DST: variants seen among roughly 807,000 people sequenced by gnomAD.
DST encodes the protein bullous pemphigoid antigen.
DST carries 253 observed loss-of-function variants against 875.2 expected under a neutral mutation model. That is an observed-to-expected ratio of 0.29 (90% CI 0.26 to 0.32). The LOEUF (loss-of-function observed/expected upper bound fraction) is 0.32. DST is among the 10% of genes least tolerant of loss of function. DST has a pLI of 1.00. For synonymous variants in DST, 3,124 were observed against 3,197.1 expected, an observed-to-expected ratio of 0.98 and a Z score of 0.77; for missense variants, 8,287 against 9,111.6, an observed-to-expected ratio of 0.91 and a Z score of 3.68.
chr6:56,614,394 C>A lies in DST; in HGVS notation c.5020G>T (p.Ala1674Ser). Residue 1674 changes from alanine to serine, a missense_variant, in exon 37 of 104, where the codon GCA (alanine) becomes TCA (serine). Ala to Ser is a moderately conservative substitution (Grantham distance 99). Transcript: ENST00000680361. ...AAGGGAGGTTTTCCAGCCTTCTCTG[C>A]ATCTTTCAATGTCTTGCTGATATTT... ...VSNISKTLKD[A>S]EKAGKPPFSK... 2 of 1,609,578 alleles carry A rather than the reference C, an allele frequency of 1.2e-6. No homozygotes were observed. The highest frequency in any genetic ancestry group is 4.5e-5 in the East Asian group (2 of 44,590).
intron 3 of DST, among the ~76,000 whole-genome samples, chr6:56,855,367 C>T (rs1212925414): frequency 6.6e-6 from 1 of 152,092 alleles, no homozygotes; most frequent in Non-Finnish European, 1.5e-5. Context: ...TTAAACACTG[C>T]AATCAACGTG....
chr6:56,624,456 TC>T (rs2098716046), intron 36 of DST, 73 bp downstream of exon 36: 1 of 1,008,710 alleles, frequency 9.9e-7, no homozygotes. Flanking sequence ...TGTTTTGCTT[TC>T]CCAAACTACA....
In DST at chr6:56,609,085, G is replaced by A. The variant is rs766555683; in HGVS notation, c.5543C>T (p.Ala1848Val). ...CAGTACTGGAATTGTGGTAGGTGACGCAGCAGAAATAATCTCCTTAGCTTT... is the reference window on the plus strand; with the variant it reads ...CAGTACTGGAATTGTGGTAGGTGACACAGCAGAAATAATCTCCTTAGCTTT... ...LSKAKEIISA[A>V]SPTTIPVLDA... The change falls in exon 40 of 104, where the codon GCG becomes GTG. Residue 1848 changes from alanine to valine, a missense_variant. Around this residue, in one of 10 missense-constraint regions of DST, gnomAD observed 3,138 missense variants for 3,116.6 expected, o/e 1.01. Coordinates refer to ENST00000680361, the MANE Select transcript of DST (RefSeq NM_001374736.1). 1.4e-5 allele frequency: 22 copies of A among 1,613,776 alleles called. No individual in the cohort carries two copies. The East Asian group carries it at 1.8e-4, about 13-fold the overall frequency.
chr6:56,598,230 A>T (rs556443955), intron 46 of DST, among the ~76,000 whole-genome samples: 41 of 152,366 alleles, frequency 2.7e-4, no homozygotes, highest in African/African-American at 8.7e-4. Context: ...ACTATAATTG[A>T]TGAGTGATCA....
intron 9 of DST, among the ~76,000 whole-genome samples, chr6:56,672,982 C>T (rs1322464217): frequency 1.3e-5 from 2 of 152,032 alleles, no homozygotes; most frequent in African/African-American, 4.8e-5. Context: ...AGGCCAGGCA[C>T]GGTGGCTCAC....
chr6:56,618,150 T>C, intron 36 of DST: 4 of 1,614,208 alleles, frequency 2.5e-6, no homozygotes, highest in Non-Finnish European at 3.4e-6. Flanking sequence ...TCGGTGCTTG[T>C]CTGAGAAAAG....
Position 56,604,980 on chromosome 6 carries a change from T to C in DST, c.9648A>G (p.Glu3216=), listed in dbSNP as rs2098481545. The C allele has an allele frequency of 6.2e-7, 1 of 1,612,928 alleles. No homozygotes were observed. Among genetic ancestry groups the C allele is most frequent in the Non-Finnish European group, 8.5e-7 (1 of 1,179,268 alleles). The change falls in exon 40 of 104, where the codon GAA becomes GAG. Residue 3216 remains glutamate, a synonymous_variant. Transcript: ENST00000680361. ...TATTATTAACTCCTAATTGTAAATG[T>C]TCTTTCATGGGAGGGGCAGTTATTA... ...HVLITAPPMK[E]HLQLGVNNTK...
intron 4 of DST, among the ~76,000 whole-genome samples, chr6:56,774,280 T>C (rs899476904): frequency 1.3e-5 from 2 of 152,140 alleles, no homozygotes; most frequent in Admixed American, 6.5e-5. Context: ...ATAGTCTCTA[T>C]TGAAATGTTC....
At chr6:56,631,765 C>A in intron 29 of DST, 118 bp downstream of exon 29, 2 of 907,436 alleles carry the variant, frequency 2.2e-6, no homozygotes, top group Non-Finnish European at 3.6e-6. Context: ...TCAGACCTCA[C>A]CTCACACTAG....
intron 15 of DST, among the ~76,000 whole-genome samples, chr6:56,645,562 C>T (rs1459565449): frequency 6.6e-6 from 1 of 152,078 alleles, no homozygotes; most frequent in East Asian, 1.9e-4. Flanking sequence ...TAGATCCAGG[C>T]CCTGGTGACT....
intron 36 of DST, among the ~76,000 whole-genome samples, chr6:56,617,633 CT>C: frequency 6.6e-6 from 1 of 152,150 alleles, no homozygotes; most frequent in Non-Finnish European, 1.5e-5. Flanking sequence ...AAAATTATAT[CT>C]TTAAAAAAGA....
At chr6:56,736,246 A>G (rs1185486513) in intron 4 of DST, among the ~76,000 whole-genome samples, 1 of 152,136 alleles carries the variant, frequency 6.6e-6, no homozygotes, top group East Asian at 1.9e-4. Flanking sequence ...AAATGCCCCA[A>G]CTAGATCTTT....
At position 56,755,345 on chromosome 6, in the gene DST, T is replaced by C. The variant is rs73746934; in HGVS notation, c.626-20056A>G. Among the ~76,000 whole-genome samples the C allele has an allele frequency of 6.6e-3, 1,002 of 152,188 alleles. 6 individuals carry two copies. The highest frequency in any genetic ancestry group is 0.022 in the African/African-American group (905 of 41,520). On this transcript the variant is annotated intron_variant, in intron 4 of 103. Coordinates refer to ENST00000680361, the MANE Select transcript of DST (RefSeq NM_001374736.1). The stretch of plus-strand genomic sequence containing the variant: ...TATGTAAAATTTAAGAAGACAATTG[T>C]AGGTAGCAGTAGCAGAAATACACAA...
rs187461210 is a variant in DST at position 56,907,764 on chromosome 6, A to G, written c.217-7143T>C. Among the ~76,000 whole-genome samples the G allele has an allele frequency of 7.2e-4, 110 of 152,320 alleles. 2 individuals are homozygous for G. Among genetic ancestry groups the G allele is most frequent in the African/African-American group, 2.5e-3 (104 of 41,566 alleles). ...TGAGGCAGAAATTGGAAAAAAAAAT[A>G]ACATTTTTAGGTAAGCATTATTGTT... On this transcript the variant is annotated intron_variant, in intron 2 of 103. Coordinates refer to ENST00000680361, the MANE Select transcript of DST (RefSeq NM_001374736.1).
At chr6:56,603,515 C>A in intron 41 of DST, 49 bp downstream of exon 41, 1 of 1,589,636 alleles carries the variant, frequency 6.3e-7, no homozygotes, top group South Asian at 1.2e-5. Flanking sequence ...TTTTCCCAGT[C>A]ATACATCAGC....
intron 92 of DST, among the ~76,000 whole-genome samples, chr6:56,475,527 G>A (rs1020324267): frequency 6.6e-6 from 1 of 151,908 alleles, no homozygotes; most frequent in Admixed American, 6.6e-5. Flanking sequence ...GAGCAATCAA[G>A]TAAATCAAAG....
intron 36 of DST, chr6:56,617,080 AAG>A (rs1172399028): frequency 6.2e-7 from 1 of 1,613,894 alleles, no homozygotes; most frequent in African/African-American, 1.3e-5. Context: ...GAAACTTGTT[AAG>A]AGTTTTCTGA....
intron 3 of DST, among the ~76,000 whole-genome samples, chr6:56,885,379 T>C (rs1478884353): frequency 6.6e-6 from 1 of 152,192 alleles, no homozygotes; most frequent in Non-Finnish European, 1.5e-5. Flanking sequence ...ATTTTTTAAT[T>C]TTTGAAGACC....
chr6:56,550,311 A>T (rs184644186), intron 61 of DST, among the ~76,000 whole-genome samples: 153 of 152,284 alleles, frequency 1.0e-3, no homozygotes, highest in African/African-American at 3.6e-3. Context: ...GCTGAATTTC[A>T]ATAAAATCAA....
Sources: gnomAD v4.1 joint callset for allele counts (sites outside exome capture counted in the v4.1 genomes callset) on GRCh38, gnomAD v4.1.1 for gene constraint, gnomAD v4.1.1 regional missense constraint, MANE v1.5 for transcripts, NCBI Gene and HGNC (gene_info 2026-07-23, HGNC 2026-07-21) for gene names.